ZNF618: variants seen among roughly 807,000 people sequenced by gnomAD.
ZNF618 encodes neural precursor cell expressed, developmentally down-regulated 10.
In ZNF618, 34 loss-of-function variants were observed where a neutral mutation model predicts 103.0. The ratio of observed to expected loss-of-function variants is 0.33; its 90% CI spans 0.25 to 0.44. The LOEUF is 0.44. ZNF618 is among the 20% of genes least tolerant of loss of function. The pLI, the probability that ZNF618 is intolerant of heterozygous loss-of-function variation, is 1.00. For missense variants in ZNF618, 1,059 were observed against 1,295.4 expected, an observed-to-expected ratio of 0.82 and a Z score of 2.80; for synonymous variants, 551 against 542.2, an observed-to-expected ratio of 1.02 and a Z score of -0.23.
intron 1 of ZNF618, among the ~76,000 whole-genome samples, chr9:113,951,086 G>A (rs989191408): frequency 6.6e-5 from 10 of 150,840 alleles, no homozygotes; most frequent in Non-Finnish European, 1.5e-4. Context: ...AATGGGAGGG[G>A]GCTTGATTGG....
intron 3 of ZNF618, among the ~76,000 whole-genome samples, chr9:113,994,165 G>C (rs1840343646): frequency 6.6e-6 from 1 of 152,168 alleles, no homozygotes; most frequent in South Asian, 2.1e-4. Flanking sequence ...GGAGGAAGGA[G>C]CTCCAACCAG....
rs1294823305 is a variant in ZNF618, at chr9:114,010,066, T to C, written c.754+1512T>C. 2.0e-5 allele frequency among the ~76,000 whole-genome samples: 3 copies of C among 152,060 alleles called. No individual in the cohort carries two copies. The East Asian group carries it at 5.8e-4, about 29-fold the overall frequency. On this transcript the variant is annotated intron_variant, in intron 9 of 14. Coordinates refer to ENST00000374126, the MANE Select transcript of ZNF618 (RefSeq NM_001318042.2). ...GGCTCACACCTGTAATCCCAGCACT[T>C]TGGGAGGCCAAGATGGGCGGATCAC... is the stretch of plus-strand genomic sequence containing the variant.
intron 9 of ZNF618, 104 bp from the exon 10 acceptor site, chr9:114,016,591 T>C (rs865866576): frequency 6.4e-5 from 50 of 775,268 alleles, no homozygotes; most frequent in South Asian, 2.9e-4. Context: ...TTCTAGTTGA[T>C]GGTCCCAGAA....
In ZNF618 at chr9:114,049,844, C is replaced by G. The variant is rs199513354; in HGVS notation, c.2542C>G (p.Pro848Ala). The change falls in exon 15 of 15, where the codon CCC (proline) becomes GCC (alanine). Residue 848 changes from proline (P) to alanine (A), a missense_variant. By Grantham distance (27) the Pro-to-Ala change is conservative. Transcript: ENST00000374126. ...ESWAEEADFE[P>A]AAKKPRSAAV... ...CTGGGCCGAGGAGGCCGACTTCGAG[C>G]CCGCTGCCAAGAAGCCCCGCTCTGC... 1.2e-6 allele frequency: 2 copies of G among 1,613,948 alleles called. No homozygotes were observed. Among genetic ancestry groups the G allele is most frequent in the South Asian group, 1.1e-5 (1 of 91,086 alleles).
chr9:113,968,722 G>A (rs1395536802), intron 1 of ZNF618, among the ~76,000 whole-genome samples: 1 of 152,128 alleles, frequency 6.6e-6, no homozygotes, highest in African/African-American at 2.4e-5. Context: ...AACATAATAG[G>A]ATTTTTTCCC....
intron 14 of ZNF618, among the ~76,000 whole-genome samples, 159 bp from the exon 15 acceptor site, chr9:114,048,492 A>C (rs1428448566): frequency 6.6e-6 from 1 of 152,220 alleles, no homozygotes; most frequent in East Asian, 1.9e-4. Context: ...TCCCTGTGAG[A>C]CCATCATATA....
intron 13 of ZNF618, among the ~76,000 whole-genome samples, chr9:114,039,479 T>C (rs566766004): frequency 6.6e-6 from 1 of 152,254 alleles, no homozygotes; most frequent in East Asian, 1.9e-4. Context: ...GCCTCCCTAG[T>C]AGCTGGGATT....
intron 1 of ZNF618, among the ~76,000 whole-genome samples, chr9:113,893,506 C>A (rs1361754674): frequency 1.3e-5 from 2 of 151,966 alleles, no homozygotes; most frequent in Non-Finnish European, 2.9e-5. Context: ...GACACCTTTC[C>A]CTCTGGTTAT....
At chr9:113,888,200 A>G (rs1259347821) in intron 1 of ZNF618, among the ~76,000 whole-genome samples, 1 of 152,226 alleles carries the variant, frequency 6.6e-6, no homozygotes, top group Non-Finnish European at 1.5e-5. Flanking sequence ...TTCCCGTTGT[A>G]CAGCTGAGGA....
Position 113,951,425 on chromosome 9 carries a change from G to GTATATATATATATACACATACACATATA in ZNF618, c.34-17691_34-17690insATATATATATATACACATACACATATAT, listed in dbSNP as rs1475632544. ...TACGTATATATACACACATATATGT[G>GTATATATATATATACACATACACATATA]TGTGTGTATATATATACATATATGT... On this transcript the variant is annotated intron_variant, in intron 1 of 14. Transcript: ENST00000374126. Among the ~76,000 whole-genome samples, 8 of 37,540 alleles carry GTATATATATATATACACATACACATATA rather than the reference G, an allele frequency of 2.1e-4. 1 individual carries two copies. Among genetic ancestry groups the GTATATATATATATACACATACACATATA allele is most frequent in the Non-Finnish European group, 4.0e-4 (8 of 19,966 alleles). The allele number at this position is 37,540 out of a possible 152,430, so 24.6% of individuals were successfully genotyped here. A position where few individuals can be genotyped will look rare whatever the true frequency, so the allele number is the denominator to read the frequency against.
chr9:114,048,703 G>C lies in ZNF618; in HGVS notation c.1401G>C (p.Gln467His), dbSNP rs1845875689. Residue 467 changes from glutamine to histidine, a missense_variant, in exon 15 of 15, where the codon CAG (glutamine) becomes CAC (histidine). Around this residue, in one of 6 missense-constraint regions of ZNF618, gnomAD observed 434 missense variants for 476.0 expected, o/e 0.91. Coordinates refer to ENST00000374126, the MANE Select transcript of ZNF618 (RefSeq NM_001318042.2). ...GCATGATCCCCGAAAAGGAGCGGCA[G>C]AACATCGCAGAGCGGCTGTTGAGGG... ...PNSMIPEKER[Q>H]NIAERLLRVM... The C allele has an allele frequency of 6.2e-7, 1 of 1,613,896 alleles. No homozygotes were observed. The highest frequency in any genetic ancestry group is 1.7e-5 in the Admixed American group (1 of 60,010).
chr9:114,007,708 G>A (rs960691868), intron 7 of ZNF618, among the ~76,000 whole-genome samples: 3 of 152,160 alleles, frequency 2.0e-5, no homozygotes, highest in East Asian at 1.9e-4. Context: ...ATTTCGTATC[G>A]AGTCATTTTG....
intron 10 of ZNF618, chr9:114,028,479 G>A: frequency 1.8e-6 from 1 of 556,242 alleles, no homozygotes; most frequent in East Asian, 3.0e-5. Flanking sequence ...AGACTGGGCT[G>A]GTCAAGGGTT....
In ZNF618 at chr9:114,050,367, A is replaced by AG; in HGVS notation, c.*200_*201insG. Reference sequence around the variant, plus strand: ...AGCCACACGTGTGTGCACGTGTCTGAACACGTGCTGTGGTTGTGGGGGTGT... The same window carrying AG: ...AGCCACACGTGTGTGCACGTGTCTGAGACACGTGCTGTGGTTGTGGGGGTGT... On this transcript the variant is annotated 3_prime_UTR_variant, in exon 15 of 15. Coordinates refer to ENST00000374126, the MANE Select transcript of ZNF618 (RefSeq NM_001318042.2). 1 of 600,208 alleles carries AG rather than the reference A, an allele frequency of 1.7e-6. No individual in the cohort carries two copies. Among genetic ancestry groups the AG allele is most frequent in the Non-Finnish European group, 2.7e-6 (1 of 366,660 alleles). 37.2% of individuals were successfully genotyped at this position (600,208 alleles called of 1,614,324 possible). A position where few individuals can be genotyped will look rare whatever the true frequency, so the allele number is the denominator to read the frequency against.
chr9:114,025,777 A>G (rs548200519), intron 10 of ZNF618, among the ~76,000 whole-genome samples: 1 of 152,072 alleles, frequency 6.6e-6, no homozygotes, highest in Non-Finnish European at 1.5e-5. Flanking sequence ...GCTTCATGGT[A>G]CCATTATGTG....
chr9:113,940,383 G>A (rs1834437755), intron 1 of ZNF618, among the ~76,000 whole-genome samples: 1 of 152,000 alleles, frequency 6.6e-6, no homozygotes, highest in South Asian at 2.1e-4. Context: ...TGTTTTTCAA[G>A]TCCCTTATTA....
At chr9:114,030,278 GT>G (rs756996940) in intron 11 of ZNF618, among the ~76,000 whole-genome samples, 1 of 152,180 alleles carries the variant, frequency 6.6e-6, no homozygotes, top group African/African-American at 2.4e-5. Flanking sequence ...GAAGGTCATG[GT>G]TTTTCAGGTA....
chr9:113,915,782 T>C (rs1017740286), intron 1 of ZNF618, among the ~76,000 whole-genome samples: 13 of 152,034 alleles, frequency 8.6e-5, no homozygotes, highest in African/African-American at 3.1e-4. Context: ...GACAGACAGA[T>C]ACTAGCTATT....
intron 1 of ZNF618, among the ~76,000 whole-genome samples, chr9:113,951,565 G>GTACACACATATA (rs1564208186): frequency 1.1e-4 from 6 of 55,554 alleles, no homozygotes; most frequent in Admixed American, 3.9e-4. Flanking sequence ...GTGTGTATAT[G>GTACACACATATA]TGTGTGTGTA....
Sources: gnomAD v4.1 joint callset for allele counts (sites outside exome capture counted in the v4.1 genomes callset) on GRCh38, gnomAD v4.1.1 for gene constraint, gnomAD v4.1.1 regional missense constraint, MANE v1.5 for transcripts, NCBI Gene and HGNC (gene_info 2026-07-23, HGNC 2026-07-21) for gene names.